Variants in ARHGAP27 observed in about 807,000 individuals in gnomAD.
The protein encoded by ARHGAP27 is rho GTPase-activating protein 27.
Under a neutral mutation model 102.0 loss-of-function variants are expected in ARHGAP27, and 53 were observed. That is an observed-to-expected ratio of 0.52 (90% CI 0.42 to 0.65). The LOEUF is 0.65. Among genes scored for constraint, ARHGAP27 ranks in the 30% least tolerant of loss-of-function variants. ARHGAP27 has a pLI of 0.00. For missense variants in ARHGAP27, 1,117 were observed against 1,256.2 expected, an observed-to-expected ratio of 0.89 and a Z score of 1.68; for synonymous variants, 525 against 542.8, an observed-to-expected ratio of 0.97 and a Z score of 0.46.
In ARHGAP27 at chr17:45,427,897, C is replaced by T. The variant is rs960663610; in HGVS notation, c.657+1726G>A. Among the ~76,000 whole-genome samples the T allele has an allele frequency of 2.0e-5, 3 of 152,210 alleles. No individual in the cohort carries two copies. The highest frequency in any genetic ancestry group is 2.1e-4 in the South Asian group (1 of 4,834). ...ATGGGCAGAGGGGCCACCTGGCAGG[C>T]GCCCTGGCAGCCGGGGTGATCTGTC... On this transcript the variant is annotated intron_variant, in intron 4 of 19. Transcript: ENST00000685559. The surrounding 1 kb of genome is among the most constrained non-coding windows in gnomAD (Gnocchi z 4.5).
chr17:45,398,531 T>G (rs1597768493), intron 12 of ARHGAP27, among the ~76,000 whole-genome samples: 1 of 151,980 alleles, frequency 6.6e-6, no homozygotes, highest in East Asian at 1.9e-4. Context: ...GTCAGGAGTT[T>G]GAGACCAGCC....
intron 12 of ARHGAP27, among the ~76,000 whole-genome samples, chr17:45,400,235 T>A (rs2046280303): frequency 6.6e-6 from 1 of 152,240 alleles, no homozygotes; most frequent in South Asian, 2.1e-4. Flanking sequence ...TTTGGCGGAC[T>A]GTTGCTGAAG....
chr17:45,400,370 C>T (rs1490344579), intron 12 of ARHGAP27, among the ~76,000 whole-genome samples: 1 of 152,180 alleles, frequency 6.6e-6, no homozygotes, highest in East Asian at 1.9e-4. Flanking sequence ...GAGCTGCCTA[C>T]AGGCCGCCCT....
intron 4 of ARHGAP27, among the ~76,000 whole-genome samples, chr17:45,422,644 C>G (rs1001793266): frequency 1.3e-5 from 2 of 152,028 alleles, no homozygotes; most frequent in Admixed American, 6.6e-5. Flanking sequence ...AAAGAACGCT[C>G]GAAATCTGCA....
At chr17:45,414,733 G>A (rs2048270773) in intron 4 of ARHGAP27, among the ~76,000 whole-genome samples, 1 of 148,308 alleles carries the variant, frequency 6.7e-6, no homozygotes, top group Non-Finnish European at 1.5e-5. Context: ...ACAGGCCTGA[G>A]CCACTGCACC....
chr17:45,423,816 C>T (rs1230084), intron 4 of ARHGAP27, among the ~76,000 whole-genome samples: 34,420 of 152,152 alleles, frequency 0.23, 4,904 homozygotes, highest in Non-Finnish European at 0.3. Flanking sequence ...GATGTCTCTA[C>T]GGGAACTGCC....
In ARHGAP27 at chr17:45,420,516, T is replaced by C. The variant is rs185965861; in HGVS notation, c.657+9107A>G. On this transcript the variant is annotated intron_variant, in intron 4 of 19. Transcript: ENST00000685559. ...CATTTTTACTATAGACTTTAAAATA[T>C]TGCTTTGATTTAAAAAAAAACCTGT... Among the ~76,000 whole-genome samples, 473 of 152,222 alleles carry C rather than the reference T, an allele frequency of 3.1e-3. 4 individuals are homozygous for C. Among genetic ancestry groups the C allele is most frequent in the African/African-American group, 0.01 (435 of 41,522 alleles).
At position 45,430,388 on chromosome 17, in the gene ARHGAP27, G is replaced by C. The variant is rs570551386; in HGVS notation, c.-18-91C>G. The C allele has an allele frequency of 1.4e-6, 2 of 1,460,192 alleles. No homozygotes were observed. Among genetic ancestry groups the C allele is most frequent in the South Asian group, 2.7e-5 (2 of 73,206 alleles). The allele number at this position is 1,460,192 out of a possible 1,614,324, so 90.5% of individuals were successfully genotyped here. On this transcript the variant is annotated intron_variant, in intron 3 of 19. Coordinates refer to ENST00000685559, the MANE Select transcript of ARHGAP27 (RefSeq NM_001282290.2). The surrounding 1 kb of genome is among the most constrained non-coding windows in gnomAD (Gnocchi z 4.4). ...GGGGACAGACTTGGGTTCGAGTCCCGATCCTGCACTCGCCGTTCGCCTTCG... is the reference window on the plus strand; with the variant it reads ...GGGGACAGACTTGGGTTCGAGTCCCCATCCTGCACTCGCCGTTCGCCTTCG...
intron 12 of ARHGAP27, among the ~76,000 whole-genome samples, chr17:45,398,981 C>T (rs541082057): frequency 2.6e-5 from 4 of 152,118 alleles, no homozygotes; most frequent in Admixed American, 6.5e-5. Flanking sequence ...TCTGTTAGCC[C>T]GCTTCATCAT....
chr17:45,401,834 C>A (rs1399386405), intron 12 of ARHGAP27, among the ~76,000 whole-genome samples: 1 of 152,218 alleles, frequency 6.6e-6, no homozygotes, highest in Non-Finnish European at 1.5e-5. Context: ...TCTTCAGTAA[C>A]CACCACCTTA....
Position 45,431,399 on chromosome 17 carries a change from C to T in ARHGAP27, c.-19+222G>A, listed in dbSNP as rs185604705. On this transcript the variant is annotated intron_variant, in intron 3 of 19. Transcript: ENST00000685559. ...TGGCCCGGACCCGGGGCCAGGAGAC[C>T]GCCGCTTGCCGAGGCAGAGGAGCAG... Among the ~76,000 whole-genome samples, 388 of 152,356 alleles carry T rather than the reference C, an allele frequency of 2.5e-3. 1 individual carries two copies. The highest frequency in any genetic ancestry group is 8.7e-3 in the African/African-American group (362 of 41,584).
rs1439167634 is a variant in ARHGAP27, at chr17:45,398,053, G to A, written c.1744-6C>T. On this transcript the variant is annotated splice_polypyrimidine_tract_variant and splice_region_variant and intron_variant, in intron 12 of 19. Coordinates refer to ENST00000685559, the MANE Select transcript of ARHGAP27 (RefSeq NM_001282290.2). The stretch of plus-strand genomic sequence containing the variant: ...GAGCCATCTCGGCTCCGTAGCTGGA[G>A]GGACACAAGTCAGTGGGTCATCTCT... 6 of 1,599,398 alleles carry A rather than the reference G, an allele frequency of 3.8e-6. No homozygotes were observed. Among genetic ancestry groups the A allele is most frequent in the Non-Finnish European group, 5.1e-6 (6 of 1,169,274 alleles).
intron 16 of ARHGAP27, 76 bp from the exon 17 acceptor site, chr17:45,396,360 C>CCACT: frequency 1.3e-6 from 2 of 1,486,442 alleles, no homozygotes; most frequent in South Asian, 2.6e-5. Context: ...GCTATGACTC[C>CCACT]CACTCGGGGC....
At position 45,405,947 on chromosome 17, in the gene ARHGAP27, T is replaced by C. The variant is rs778204833; in HGVS notation, c.794A>G (p.Tyr265Cys). Residue 265 changes from tyrosine to cysteine, a missense_variant, in exon 5 of 20, where the codon TAC becomes TGC. Tyr to Cys is a radical substitution (Grantham distance 194). Around this residue, in one of 3 missense-constraint regions of ARHGAP27, gnomAD observed 610 missense variants for 716.4 expected, o/e 0.85. Transcript: ENST00000685559. Reference protein sequence around the residue: ...HTDAGTGRPYYYNPDTGVTTW... With the variant: ...HTDAGTGRPYCYNPDTGVTTW... The stretch of plus-strand genomic sequence containing the variant: ...GGTAACTCCCGTGTCTGGGTTGTAG[T>C]AGTAGGGGCGCCCGGTGCCCGCGTC... The C allele has an allele frequency of 1.3e-6, 2 of 1,535,436 alleles. No homozygotes were observed. The highest frequency in any genetic ancestry group is 1.7e-6 in the Non-Finnish European group (2 of 1,146,678).
chr17:45,411,059 A>T (rs990185307), intron 4 of ARHGAP27, among the ~76,000 whole-genome samples: 2 of 152,080 alleles, frequency 1.3e-5, no homozygotes, highest in Admixed American at 1.3e-4. Context: ...GCGTGTCCAC[A>T]TACGTGTACA....
intron 12 of ARHGAP27, among the ~76,000 whole-genome samples, chr17:45,402,024 C>T (rs939192423): frequency 6.6e-6 from 1 of 152,208 alleles, no homozygotes; most frequent in African/African-American, 2.4e-5. Context: ...AACAAGACAA[C>T]ACATGGACAG....
chr17:45,396,414 C>T (rs1361767990), intron 16 of ARHGAP27, 73 bp downstream of exon 16: 4 of 1,470,060 alleles, frequency 2.7e-6, no homozygotes, highest in Non-Finnish European at 3.6e-6. Flanking sequence ...CCAGGGGTCT[C>T]CAGCCTGCGG....
chr17:45,419,508 GTATGTA>G (rs1383270858), intron 4 of ARHGAP27, among the ~76,000 whole-genome samples: 19 of 86,390 alleles, frequency 2.2e-4, no homozygotes, highest in East Asian at 6.8e-4. Context: ...GACTTATGCT[GTATGTA>G]TATATATATA....
At position 45,405,823 on chromosome 17, in the gene ARHGAP27, GC is replaced by G; in HGVS notation, c.917del (p.Gly306AlafsTer17). The G allele has an allele frequency of 6.5e-7, 1 of 1,538,028 alleles. No individual in the cohort carries two copies. The highest frequency in any genetic ancestry group is 8.7e-7 in the Non-Finnish European group (1 of 1,147,600). ...TGCGGCTCTCCTCATCCCAGTACTG[GC>G]CCCACTCGGTCTCAAGGCTCACGTG... ...DSHVSLETEW[G>X]QYWDEESRRV... On this transcript the variant is annotated frameshift_variant, in exon 5 of 20. Coordinates refer to ENST00000685559, the MANE Select transcript of ARHGAP27 (RefSeq NM_001282290.2). LOFTEE classifies it high-confidence loss of function.
Sources: allele counts gnomAD v4.1 joint callset (sites outside exome capture counted in the v4.1 genomes callset), GRCh38; gene constraint gnomAD v4.1.1; regional missense constraint gnomAD v4.1.1; non-coding constraint Gnocchi (gnomAD v3.1); transcripts MANE v1.5; gene names NCBI Gene and HGNC (gene_info 2026-07-23, HGNC 2026-07-21).